PCYT1B: variants seen among roughly 807,000 people sequenced by gnomAD.
The protein encoded by PCYT1B is choline-phosphate cytidylyltransferase B.
A neutral mutation model predicts 26.4 loss-of-function variants in PCYT1B; 10 were observed. The ratio of observed to expected loss-of-function variants is 0.38; its 90% confidence interval spans 0.23 to 0.64. PCYT1B has a LOEUF of 0.64. PCYT1B is among the 30% of genes least tolerant of loss of function. The pLI is 0.56. For missense variants in PCYT1B, 161 were observed against 292.7 expected, an observed-to-expected ratio of 0.55 and a Z score of 3.28; for synonymous variants, 131 against 108.4, an observed-to-expected ratio of 1.21 and a Z score of -1.29.
At chrX:24,572,484 C>T (rs1329449034) in intron 7 of PCYT1B, among the ~76,000 whole-genome samples, 3 of 111,747 alleles carry the variant, frequency 2.7e-5, no homozygotes, top group Non-Finnish European at 5.6e-5. Context: ...TATCTTAAAT[C>T]CTTCTATTTT....
chrX:24,664,512 C>T (rs778954513), intron 1 of PCYT1B, among the ~76,000 whole-genome samples: 7 of 111,976 alleles, frequency 6.3e-5, no homozygotes, highest in African/African-American at 9.7e-5. Context: ...ATTGTGAAAG[C>T]GGGGCATCAC....
Position 24,647,346 on chromosome X carries a change from C to A in PCYT1B, c.-241G>T. 1.1e-6 allele frequency: 1 copy of A among 903,704 alleles called. No homozygotes were observed. Among genetic ancestry groups the A allele is most frequent in the Non-Finnish European group, 1.4e-6 (1 of 712,487 alleles). The allele number at this position is 903,704 out of a possible 1,213,427, so 74.5% of individuals were successfully genotyped here. A position where few individuals can be genotyped will look rare whatever the true frequency, so the allele number is the denominator to read the frequency against. On this transcript the variant is annotated 5_prime_UTR_variant, in exon 1 of 8. Coordinates refer to ENST00000379144, the MANE Select transcript of PCYT1B (RefSeq NM_004845.5). ...TTATCACTATAACAACCAGACGACA[C>A]TGAAGCGGCTGGTGCGGGATACAGT...
chrX:24,658,621 C>G (rs965040690), intron 1 of PCYT1B, among the ~76,000 whole-genome samples: 1 of 107,935 alleles, frequency 9.3e-6, no homozygotes, highest in Non-Finnish European at 1.9e-5. Context: ...CTCTGCTTCA[C>G]TGGTCACATA....
chrX:24,602,195 A>T (rs1018240245), intron 3 of PCYT1B, among the ~76,000 whole-genome samples: 3 of 112,352 alleles, frequency 2.7e-5, no homozygotes, highest in Non-Finnish European at 5.6e-5. Context: ...CCATGAAAAG[A>T]CATTGAGGAG....
intron 3 of PCYT1B, among the ~76,000 whole-genome samples, chrX:24,598,858 T>C (rs1416064404): frequency 1.8e-5 from 2 of 112,164 alleles, no homozygotes; most frequent in Admixed American, 1.9e-4. Context: ...GGTTTGACAA[T>C]GAGGACTGGT....
chrX:24,579,490 A>C, intron 5 of PCYT1B, 32 bp from the exon 6 acceptor site: 1 of 1,188,965 alleles, frequency 8.4e-7, no homozygotes, highest in Non-Finnish European at 1.1e-6. Context: ...GATAGAGGAA[A>C]AATTAAGATC....
rs765890715 is a variant in PCYT1B at position 24,577,152 on chromosome X, C to T, written c.709-1834G>A. Among the ~76,000 whole-genome samples, 7 of 111,120 alleles carry T rather than the reference C, an allele frequency of 6.3e-5. No homozygotes were observed. The East Asian group carries it at 2.0e-3, about 31-fold the overall frequency. On this transcript the variant is annotated intron_variant, in intron 6 of 7. Transcript: ENST00000379144. ...CCTTTCTGGGCTCAGCGTTCCTCAT[C>T]TCTAAATTGAGGGACTTGGACTGGG...
upstream of PCYT1B, among the ~76,000 whole-genome samples, chrX:24,648,280 A>G (rs1217178008): frequency 9.0e-6 from 1 of 110,606 alleles, no homozygotes; most frequent in Non-Finnish European, 1.9e-5. Context: ...TTAATAAAAA[A>G]TCATGATGAT....
chrX:24,633,254 A>G (rs1344496991), intron 1 of PCYT1B, among the ~76,000 whole-genome samples: 1 of 108,589 alleles, frequency 9.2e-6, no homozygotes. Context: ...AAGATTTGAA[A>G]TGTTCTCAAT....
At chrX:24,662,629 C>T (rs906748297) in intron 1 of PCYT1B, among the ~76,000 whole-genome samples, 1 of 111,805 alleles carries the variant, frequency 8.9e-6, no homozygotes, top group Non-Finnish European at 1.9e-5. Context: ...CCACTCACCT[C>T]CTTATCTCCC....
chrX:24,579,458 C>G lies in PCYT1B; in HGVS notation c.566G>C (p.Gly189Ala), dbSNP rs192028641. ...DDVYKHIKEAGMFVPTQRTEG... is the reference protein window; with the variant it reads ...DDVYKHIKEAAMFVPTQRTEG... ...TGTTCTCTGCGTTGGAACGAACATC[C>G]CTGTTCAAGTAGAAAAGAGCGGATA... Residue 189 changes from glycine (G) to alanine (A), a missense_variant and splice_region_variant, in exon 6 of 8, where the codon GGG becomes GCG. By Grantham distance (60) the Gly-to-Ala change is moderately conservative. Transcript: ENST00000379144. 5.6e-5 allele frequency: 68 copies of G among 1,203,945 alleles called. 1 individual carries two copies. In the East Asian group the frequency reaches 2.0e-3, roughly 36 times the overall value.
intron 3 of PCYT1B, among the ~76,000 whole-genome samples, chrX:24,594,658 A>G (rs907679593): frequency 6.2e-5 from 7 of 112,210 alleles, no homozygotes; most frequent in African/African-American, 1.9e-4. Context: ...GCAGCTGAAC[A>G]TGCTGACCAG....
intron 1 of PCYT1B, among the ~76,000 whole-genome samples, chrX:24,631,292 G>C (rs904307626): frequency 1.8e-5 from 2 of 111,473 alleles, no homozygotes; most frequent in African/African-American, 3.3e-5. Context: ...GCACCAAAAA[G>C]CGGTTCAGAA....
At chrX:24,613,548 G>A (rs1036753913) in intron 2 of PCYT1B, among the ~76,000 whole-genome samples, 1 of 111,463 alleles carries the variant, frequency 9.0e-6, no homozygotes, top group African/African-American at 3.3e-5. Context: ...TCATTAAGGC[G>A]GCTCTTGAAA....
intron 1 of PCYT1B, among the ~76,000 whole-genome samples, chrX:24,666,638 A>T (rs61658590): frequency 0.041 from 4,215 of 103,974 alleles, 201 homozygotes; most frequent in African/African-American, 0.14. Context: ...TGTGTGTGTG[A>T]GAGCGAGAGA....
upstream of PCYT1B, among the ~76,000 whole-genome samples, chrX:24,651,447 G>T (rs1926762017): frequency 2.3e-5 from 1 of 44,170 alleles, no homozygotes; most frequent in Non-Finnish European, 3.8e-5. Flanking sequence ...AGAGCGAGAT[G>T]CCATCTCAAA....
At chrX:24,577,521 T>G (rs1195543845) in intron 6 of PCYT1B, among the ~76,000 whole-genome samples, 1 of 111,647 alleles carries the variant, frequency 9.0e-6, no homozygotes, top group Non-Finnish European at 1.9e-5. Context: ...AGCCACTTGT[T>G]CCAGTGCCAC....
At chrX:24,662,131 C>T (rs748671492) in intron 1 of PCYT1B, among the ~76,000 whole-genome samples, 2 of 109,725 alleles carry the variant, frequency 1.8e-5, no homozygotes, top group African/African-American at 3.3e-5. Flanking sequence ...ATTGCGCCAC[C>T]GCACTCCAGC....
chrX:24,660,695 A>AT (rs1927010933), intron 1 of PCYT1B, among the ~76,000 whole-genome samples: 2 of 109,487 alleles, frequency 1.8e-5, no homozygotes, highest in South Asian at 3.9e-4. Context: ...AAAAAAAAAA[A>AT]AGAGGAAAAA....
Sources: gnomAD v4.1 joint callset for allele counts (sites outside exome capture counted in the v4.1 genomes callset) on GRCh38, gnomAD v4.1.1 for gene constraint, MANE v1.5 for transcripts, NCBI Gene and HGNC (gene_info 2026-07-23, HGNC 2026-07-21) for gene names.